Variants in KHDRBS2 observed in about 807,000 individuals in gnomAD.
The protein encoded by KHDRBS2 is KH RNA binding domain containing, signal transduction associated 2.
Under a neutral mutation model 44.3 loss-of-function variants are expected in KHDRBS2, and 26 were observed. That is an observed-to-expected ratio of 0.59 (90% CI 0.43 to 0.81). KHDRBS2 has a LOEUF of 0.81. Ranked by LOEUF, KHDRBS2 falls within the 40% of genes least tolerant of loss-of-function variation. KHDRBS2 has a pLI of 0.00. For synonymous variants in KHDRBS2, 194 were observed against 151.1 expected (o/e 1.28, Z -2.08); for missense variants, 476 against 433.1 (o/e 1.10, Z -0.88).
At chr6:61,553,042 C>T in the KHDRBS2 span, among the ~76,000 whole-genome samples, 2 of 152,174 alleles carry the variant, frequency 1.3e-5, no homozygotes, top group Non-Finnish European at 2.9e-5. Flanking sequence ...AGGACTCCCT[C>T]TCCTCAATGT....
the KHDRBS2 span, among the ~76,000 whole-genome samples, chr6:61,673,015 AT>A: frequency 6.6e-6 from 1 of 151,600 alleles, no homozygotes; most frequent in Non-Finnish European, 1.5e-5. Context: ...TCTTGAATTG[AT>A]TTTTGTATAA....
chr6:62,070,267 C>A (rs935597794), intron 2 of KHDRBS2, among the ~76,000 whole-genome samples: 1 of 150,462 alleles, frequency 6.6e-6, no homozygotes, highest in Non-Finnish European at 1.5e-5. Flanking sequence ...TTTTCTTTTT[C>A]TGTCTTTGTC....
intron 4 of KHDRBS2, among the ~76,000 whole-genome samples, chr6:61,947,217 C>T (rs781139770): frequency 1.3e-5 from 2 of 152,108 alleles, no homozygotes; most frequent in Non-Finnish European, 2.9e-5. Flanking sequence ...AATGGAGGTT[C>T]GTGCTCATCA....
chr6:61,772,099 A>G (rs1781022291), intron 6 of KHDRBS2, among the ~76,000 whole-genome samples: 1 of 152,230 alleles, frequency 6.6e-6, no homozygotes, highest in Non-Finnish European at 1.5e-5. Context: ...ATGAAGGCAG[A>G]CATAAAGATG....
At chr6:62,186,602 C>A (rs1335384742) in intron 1 of KHDRBS2, among the ~76,000 whole-genome samples, 2 of 96,132 alleles carry the variant, frequency 2.1e-5, no homozygotes, top group Non-Finnish European at 4.7e-5. Context: ...TGAAATAGGA[C>A]AAAATGAAGG....
chr6:61,978,347 C>T, intron 3 of KHDRBS2, 135 bp from the exon 4 acceptor site: 2 of 579,418 alleles, frequency 3.5e-6, no homozygotes, highest in Non-Finnish European at 5.8e-6. Context: ...TCAAAGAAAC[C>T]CTTTGAGAAA....
chr6:61,555,697 G>T, the KHDRBS2 span, among the ~76,000 whole-genome samples: 160 of 152,286 alleles, frequency 1.1e-3, no homozygotes, highest in African/African-American at 3.7e-3. Context: ...TCGCTTGCTT[G>T]TATCTTCTTT....
the KHDRBS2 span, among the ~76,000 whole-genome samples, chr6:61,672,599 A>C: frequency 6.6e-6 from 1 of 151,836 alleles, no homozygotes; most frequent in Non-Finnish European, 1.5e-5. Flanking sequence ...ATGGCCAGTG[A>C]TGGTGAGCAT....
At chr6:61,567,427 C>A in the KHDRBS2 span, among the ~76,000 whole-genome samples, 21 of 152,142 alleles carry the variant, frequency 1.4e-4, no homozygotes, top group African/African-American at 4.1e-4. Context: ...TCAGCCTATT[C>A]GTTTGAGACC....
rs191965893 is a variant in KHDRBS2 at position 62,096,096 on chromosome 6, A to G, written c.220-48102T>C. ...TTGATCATGATGAATAATCTTTTTGACGTGCTTTTGGATTTGGTTTGCTAG... is the reference window on the plus strand; with the variant it reads ...TTGATCATGATGAATAATCTTTTTGGCGTGCTTTTGGATTTGGTTTGCTAG... On this transcript the variant is annotated intron_variant, in intron 2 of 8. Transcript: ENST00000281156. Among the ~76,000 whole-genome samples the G allele has an allele frequency of 4.1e-3, 623 of 151,892 alleles. 1 individual carries two copies. Among genetic ancestry groups the G allele is most frequent in the Non-Finnish European group, 6.7e-3 (455 of 67,824 alleles).
At chr6:61,957,154 T>A (rs1767555111) in intron 4 of KHDRBS2, among the ~76,000 whole-genome samples, 1 of 152,238 alleles carries the variant, frequency 6.6e-6, no homozygotes, top group African/African-American at 2.4e-5. Flanking sequence ...TGTGGTTTCC[T>A]ATGCCTGTCC....
At chr6:62,018,493 G>T (rs1378709420) in intron 3 of KHDRBS2, among the ~76,000 whole-genome samples, 1 of 151,992 alleles carries the variant, frequency 6.6e-6, no homozygotes, top group East Asian at 1.9e-4. Context: ...GACTACAGGC[G>T]CCTGCCACCA....
chr6:61,589,083 G>C, the KHDRBS2 span, among the ~76,000 whole-genome samples: 1 of 151,896 alleles, frequency 6.6e-6, no homozygotes, highest in Admixed American at 6.6e-5. Context: ...GGGGGTAGGG[G>C]GGCAAAGGGA....
chr6:61,592,379 GAGA>G, the KHDRBS2 span, among the ~76,000 whole-genome samples: 2 of 152,132 alleles, frequency 1.3e-5, no homozygotes, highest in Non-Finnish European at 1.5e-5. Flanking sequence ...GGTTATGGGA[GAGA>G]AGGAGAAACA....
At chr6:61,955,400 A>C (rs1431977094) in intron 4 of KHDRBS2, among the ~76,000 whole-genome samples, 2 of 32,452 alleles carry the variant, frequency 6.2e-5, no homozygotes, top group Non-Finnish European at 1.1e-4. Context: ...ATGTGTATGT[A>C]TACATATACG....
At chr6:62,041,785 G>C (rs1786588090) in intron 3 of KHDRBS2, among the ~76,000 whole-genome samples, 1 of 152,032 alleles carries the variant, frequency 6.6e-6, no homozygotes, top group African/African-American at 2.4e-5. Context: ...AATGATTTAA[G>C]ATAATATATA....
At chr6:61,906,343 A>T (rs1805013378) in intron 4 of KHDRBS2, among the ~76,000 whole-genome samples, 1 of 152,108 alleles carries the variant, frequency 6.6e-6, no homozygotes, top group African/African-American at 2.4e-5. Context: ...TAATCACATC[A>T]GGATAATTGG....
chr6:62,040,500 G>A (rs540653200), intron 3 of KHDRBS2, among the ~76,000 whole-genome samples: 1 of 152,076 alleles, frequency 6.6e-6, no homozygotes, highest in East Asian at 1.9e-4. Flanking sequence ...TTGCATCTCT[G>A]CTCCAGGATT....
At chr6:61,673,908 G>C in the KHDRBS2 span, among the ~76,000 whole-genome samples, 5 of 150,224 alleles carry the variant, frequency 3.3e-5, no homozygotes, top group African/African-American at 1.2e-4. Context: ...TTTCTTCACA[G>C]AATTGGAAAA....
Sources: allele counts gnomAD v4.1 joint callset (sites outside exome capture counted in the v4.1 genomes callset), GRCh38; gene constraint gnomAD v4.1.1; transcripts MANE v1.5; gene names NCBI Gene and HGNC (gene_info 2026-07-23, HGNC 2026-07-21).